Variants in SHISA9 observed in about 807,000 individuals in gnomAD.
SHISA9 encodes the protein protein shisa-9.
SHISA9 carries 13 observed loss-of-function variants against 38.0 expected under a neutral mutation model. That is an observed-to-expected ratio of 0.34 (90% CI 0.22 to 0.54). The LOEUF (loss-of-function observed/expected upper bound fraction) is 0.54. SHISA9 is among the 20% of genes least tolerant of loss of function. SHISA9 has a pLI of 0.91. For missense variants in SHISA9, 538 were observed against 575.8 expected (o/e 0.93, Z 0.67); for synonymous variants, 275 against 242.0 (o/e 1.14, Z -1.27).
intron 2 of SHISA9, among the ~76,000 whole-genome samples, chr16:13,092,771 G>GC (rs2073788330): frequency 6.6e-6 from 1 of 152,194 alleles, no homozygotes; most frequent in South Asian, 2.1e-4. Flanking sequence ...AACCCCTTGT[G>GC]CTTCTTGGGT....
At chr16:13,000,359 G>A (rs771719825) in intron 2 of SHISA9, among the ~76,000 whole-genome samples, 2 of 152,202 alleles carry the variant, frequency 1.3e-5, no homozygotes, top group African/African-American at 4.8e-5. Context: ...GAGTAGGGAA[G>A]GGGAGACTAA....
the SHISA9 span, among the ~76,000 whole-genome samples, chr16:13,382,000 A>G: frequency 1.3e-5 from 2 of 152,232 alleles, no homozygotes; most frequent in East Asian, 3.8e-4. Flanking sequence ...TATGAATTAT[A>G]CTTAAAATGT....
chr16:13,501,129 G>A, the SHISA9 span, among the ~76,000 whole-genome samples: 1 of 152,072 alleles, frequency 6.6e-6, no homozygotes, highest in African/African-American at 2.4e-5. Flanking sequence ...TTCAACCAAG[G>A]GTGCATTTGC....
At chr16:12,953,599 A>G (rs2071788981) in intron 2 of SHISA9, among the ~76,000 whole-genome samples, 1 of 152,204 alleles carries the variant, frequency 6.6e-6, no homozygotes, top group African/African-American at 2.4e-5. Flanking sequence ...AATAAGACCT[A>G]TTACTCTTTT....
At chr16:13,035,120 A>G (rs901034136) in intron 2 of SHISA9, among the ~76,000 whole-genome samples, 3 of 152,208 alleles carry the variant, frequency 2.0e-5, no homozygotes, top group South Asian at 4.1e-4. Flanking sequence ...CAAATCCAAC[A>G]TATTTGTTAT....
At chr16:13,316,921 C>T in the SHISA9 span, among the ~76,000 whole-genome samples, 3 of 152,210 alleles carry the variant, frequency 2.0e-5, no homozygotes, top group East Asian at 5.8e-4. Context: ...GCACCTCCTG[C>T]AACCTGCAAG....
At chr16:13,404,576 A>G in the SHISA9 span, among the ~76,000 whole-genome samples, 42 of 152,262 alleles carry the variant, frequency 2.8e-4, no homozygotes, top group African/African-American at 9.4e-4. Context: ...AGCACAGAGA[A>G]TGGGAGGGAG....
chr16:13,374,686 T>C, the SHISA9 span, among the ~76,000 whole-genome samples: 121 of 152,342 alleles, frequency 7.9e-4, no homozygotes, highest in African/African-American at 2.6e-3. Flanking sequence ...TGCCTATTAA[T>C]GGGATGCCTG....
intron 2 of SHISA9, among the ~76,000 whole-genome samples, chr16:13,059,253 G>A (rs1214412517): frequency 4.0e-5 from 6 of 150,216 alleles, no homozygotes; most frequent in South Asian, 4.2e-4. Flanking sequence ...TCAGCCTCCC[G>A]AGTAGCTGGG....
intron 3 of SHISA9, among the ~76,000 whole-genome samples, chr16:13,207,288 A>G (rs999346456): frequency 6.6e-6 from 1 of 152,182 alleles, no homozygotes; most frequent in African/African-American, 2.4e-5. Context: ...TCTAACAGAA[A>G]TTCCTTGATT....
At chr16:13,043,051 T>C (rs1409327639) in intron 2 of SHISA9, among the ~76,000 whole-genome samples, 1 of 152,210 alleles carries the variant, frequency 6.6e-6, no homozygotes, top group African/African-American at 2.4e-5. Context: ...TCGGGGTGCC[T>C]GGACAGCAGT....
At chr16:13,252,129 A>G in the SHISA9 span, among the ~76,000 whole-genome samples, 1 of 152,300 alleles carries the variant, frequency 6.6e-6, no homozygotes, top group East Asian at 1.9e-4. Flanking sequence ...AACAAGCCCA[A>G]AAGACCTTCC....
chr16:13,045,155 A>G (rs1238035062), intron 2 of SHISA9, among the ~76,000 whole-genome samples: 1 of 152,218 alleles, frequency 6.6e-6, no homozygotes, highest in African/African-American at 2.4e-5. Flanking sequence ...AGTTTAAGAA[A>G]TGTATTTAGG....
chr16:13,041,660 G>A (rs1462554291), intron 2 of SHISA9, among the ~76,000 whole-genome samples: 14 of 152,222 alleles, frequency 9.2e-5, no homozygotes, highest in Non-Finnish European at 2.9e-5. Context: ...AATCTGATGA[G>A]CTGCATGCAC....
chr16:13,367,652 G>GGT, the SHISA9 span, among the ~76,000 whole-genome samples: 2 of 6,214 alleles, frequency 3.2e-4, no homozygotes, highest in African/African-American at 9.1e-4. Flanking sequence ...CAAGTAGGAT[G>GGT]CGGGGGGGAA....
At chr16:13,485,715 C>T in the SHISA9 span, among the ~76,000 whole-genome samples, 1 of 152,084 alleles carries the variant, frequency 6.6e-6, no homozygotes, top group Admixed American at 6.6e-5. Context: ...TCTAATTTCC[C>T]TTTGTGCTAT....
chr16:13,024,312 A>G (rs2072894390), intron 2 of SHISA9, among the ~76,000 whole-genome samples: 1 of 152,196 alleles, frequency 6.6e-6, no homozygotes. Flanking sequence ...AGAAGGTGTC[A>G]TTGCTCTTCC....
In SHISA9 at chr16:13,203,563, G is replaced by T; in HGVS notation, c.847+14G>T. 2 of 1,485,440 alleles carry T rather than the reference G, an allele frequency of 1.3e-6. No individual in the cohort carries two copies. Among genetic ancestry groups the T allele is most frequent in the Middle Eastern group, 1.8e-4 (1 of 5,670 alleles). 92.0% of individuals were successfully genotyped at this position (1,485,440 alleles called of 1,614,324 possible). A position where few individuals can be genotyped will look rare whatever the true frequency, so the allele number is the denominator to read the frequency against. On this transcript the variant is annotated intron_variant, in intron 3 of 4. Coordinates refer to ENST00000558583, the MANE Select transcript of SHISA9 (RefSeq NM_001145204.3). ...TAAAGGCAGTCGGTAAGTGCCACCT[G>T]ATGGATCTTTTTCTCTTTCTCCTCT...
intron 2 of SHISA9, among the ~76,000 whole-genome samples, chr16:13,139,394 TTTCCTTCCTTCC>T (rs71147783): frequency 0.023 from 2,213 of 95,040 alleles, 79 homozygotes; most frequent in African/African-American, 0.092. Context: ...CCCTTCCTTC[TTTCCTTCCTTCC>T]TTCCTTCCTT....
Sources: allele counts gnomAD v4.1 joint callset (sites outside exome capture counted in the v4.1 genomes callset), GRCh38; gene constraint gnomAD v4.1.1; transcripts MANE v1.5; gene names NCBI Gene and HGNC (gene_info 2026-07-23, HGNC 2026-07-21).